MDM4: variants seen among roughly 807,000 people sequenced by gnomAD.
MDM4 encodes the protein protein Mdm4.
In MDM4, 2 loss-of-function variants were observed where a neutral mutation model predicts 60.2. That is an observed-to-expected ratio of 0.03 (90% CI 0.01 to 0.10). MDM4 has a LOEUF of 0.10. Among genes scored for constraint, MDM4 ranks in the 10% least tolerant of loss-of-function variants. MDM4 has a pLI of 1.00. For synonymous variants in MDM4, 202 were observed against 198.1 expected (o/e 1.02, Z -0.17); for missense variants, 447 against 577.5 (o/e 0.77, Z 2.32).
chr1:204,539,863 G>A (rs890609149), intron 7 of MDM4, among the ~76,000 whole-genome samples: 1 of 152,034 alleles, frequency 6.6e-6, no homozygotes, highest in Non-Finnish European at 1.5e-5. Flanking sequence ...GACACCACAA[G>A]TAGAAAATTT....
chr1:204,523,235 T>A (rs1659750236), intron 1 of MDM4, among the ~76,000 whole-genome samples: 2 of 148,378 alleles, frequency 1.3e-5, no homozygotes, highest in Non-Finnish European at 3.0e-5. Flanking sequence ...TTTGGGAGGC[T>A]GAGGCAGGCG....
intron 3 of MDM4, chr1:204,529,597 C>T (rs938070860): frequency 7.5e-7 from 1 of 1,331,546 alleles, no homozygotes; most frequent in African/African-American, 1.5e-5. Context: ...TACTGCCCTC[C>T]ACTACTGGGG....
intron 1 of MDM4, among the ~76,000 whole-genome samples, chr1:204,518,808 G>C (rs931185675): frequency 6.6e-6 from 1 of 152,316 alleles, no homozygotes; most frequent in South Asian, 2.1e-4. Context: ...TGGATTACAG[G>C]CGTTGTGCCA....
Position 204,549,324 on chromosome 1 carries a change from G to A in MDM4, c.1115G>A (p.Arg372Lys), listed in dbSNP as rs2102456405. The change falls in exon 11 of 11, where the codon AGA (arginine) becomes AAA (lysine). Residue 372 changes from arginine to lysine, a missense_variant. Arg to Lys is a conservative substitution (Grantham distance 26). Transcript: ENST00000367182. ...AGAACCATTTCGGCTCCTGTCGTTAGACCTAAAGATGCGTATATAAAGAAA... is the reference window on the plus strand; with the variant it reads ...AGAACCATTTCGGCTCCTGTCGTTAAACCTAAAGATGCGTATATAAAGAAA... ...CRRTISAPVV[R>K]PKDAYIKKEN... 1.2e-6 allele frequency: 2 copies of A among 1,614,160 alleles called. No homozygotes were observed. The highest frequency in any genetic ancestry group is 1.7e-6 in the Non-Finnish European group (2 of 1,180,026).
At chr1:204,537,879 G>A (rs368849614) in intron 6 of MDM4, 2 of 673,700 alleles carry the variant, frequency 3.0e-6, no homozygotes, top group Non-Finnish European at 5.7e-6. Flanking sequence ...TAGTCATCTT[G>A]GTACGTGGCG....
intron 5 of MDM4, chr1:204,532,655 A>T (rs1660986696): frequency 2.9e-6 from 3 of 1,030,498 alleles, no homozygotes; most frequent in East Asian, 2.5e-5. Context: ...TTTTTGTCTT[A>T]CTTGAATTAG....
At chr1:204,535,126 C>T (rs1286606712) in intron 5 of MDM4, among the ~76,000 whole-genome samples, 1 of 149,102 alleles carries the variant, frequency 6.7e-6, no homozygotes, top group African/African-American at 2.5e-5. Context: ...TCATTTTGGT[C>T]AAGAAGATGC....
At chr1:204,547,444 T>C (rs1053359757) in intron 10 of MDM4, among the ~76,000 whole-genome samples, 9 of 152,244 alleles carry the variant, frequency 5.9e-5, no homozygotes, top group African/African-American at 2.2e-4. Flanking sequence ...TGCTTTTTTG[T>C]TGCTATTTCC....
intron 8 of MDM4, 32 bp from the exon 9 acceptor site, chr1:204,544,503 A>G: frequency 6.3e-7 from 1 of 1,585,870 alleles, no homozygotes; most frequent in Non-Finnish European, 8.6e-7. Context: ...ACCTCTGAAT[A>G]CAGAAACTCA....
chr1:204,544,539 T>C lies in MDM4; in HGVS notation c.677T>C (p.Val226Ala). The change falls in exon 9 of 11, where the codon GTG (valine) becomes GCG (alanine). Residue 226 changes from valine to alanine, a missense_variant. Around this residue, in one of 8 missense-constraint regions of MDM4, gnomAD observed 184 missense variants for 179.3 expected, o/e 1.03. Transcript: ENST00000367182. ...TGTTTGTTTTTTTTCTGTTAGGATG[T>C]GGGTACTGCCATTGTTTCAGATACT... ...GSTDLQTNQD[V>A]GTAIVSDTTD... 1 of 1,605,356 alleles carries C rather than the reference T, an allele frequency of 6.2e-7. No individual in the cohort carries two copies. The highest frequency in any genetic ancestry group is 8.5e-7 in the Non-Finnish European group (1 of 1,173,788).
At chr1:204,522,541 G>T (rs1659671602) in intron 1 of MDM4, among the ~76,000 whole-genome samples, 1 of 151,790 alleles carries the variant, frequency 6.6e-6, no homozygotes, top group Non-Finnish European at 1.5e-5. Flanking sequence ...GGGACTACAG[G>T]CGTGTGCCAC....
In MDM4 at chr1:204,550,952, A is replaced by G. The variant is rs1663145307; in HGVS notation, c.*1270A>G. The G allele has an allele frequency of 1.1e-5, 2 of 184,216 alleles. No homozygotes were observed. The highest frequency in any genetic ancestry group is 6.2e-5 in the Admixed American group (1 of 16,008). The allele number at this position is 184,216 out of a possible 1,614,324, so 11.4% of individuals were successfully genotyped here. ...TAATTTAATTAGCCAAATCAGACTT[A>G]ACTTCCGTCAGAACATGTCTTGGTT... On this transcript the variant is annotated 3_prime_UTR_variant, in exon 11 of 11. Transcript: ENST00000367182.
At chr1:204,529,242 A>T in intron 3 of MDM4, 1 of 729,364 alleles carries the variant, frequency 1.4e-6, no homozygotes, top group South Asian at 1.6e-5. Context: ...AGGTCTCATC[A>T]TTGAACAAGG....
In MDM4 at chr1:204,549,931, A is replaced by G. The variant is rs1342502820; in HGVS notation, c.*249A>G. ...ATAGTTAGGTGAACCCAAAAGAAAA[A>G]CTCTTGAAAACAAGAGATTTCTTCC... On this transcript the variant is annotated 3_prime_UTR_variant, in exon 11 of 11. Transcript: ENST00000367182. The G allele has an allele frequency of 1.2e-5, 4 of 342,964 alleles. No individual in the cohort carries two copies. The Admixed American group carries it at 1.3e-4, about 11-fold the overall frequency. The allele number at this position is 342,964 out of a possible 1,614,324, so 21.2% of individuals were successfully genotyped here. A position where few individuals can be genotyped will look rare whatever the true frequency, so the allele number is the denominator to read the frequency against.
At chr1:204,528,826 T>C in intron 3 of MDM4, 1 of 1,483,306 alleles carries the variant, frequency 6.7e-7, no homozygotes, top group Non-Finnish European at 9.4e-7. Flanking sequence ...TGCACTCCAC[T>C]CTCCACAGAT....
rs374003470 is a variant in MDM4 at position 204,545,705 on chromosome 1, A to C, written c.822+1021A>C. On this transcript the variant is annotated intron_variant, in intron 9 of 10. Coordinates refer to ENST00000367182, the MANE Select transcript of MDM4 (RefSeq NM_002393.5). ...GACATTTGGAAACTTTTATTTATTT[A>C]TTTTTGAGATGGGATCTCACTGTTT... Among the ~76,000 whole-genome samples, 67 of 152,212 alleles carry C rather than the reference A, an allele frequency of 4.4e-4. No individual in the cohort carries two copies. In the South Asian group the frequency reaches 0.012, roughly 26 times the overall value.
At chr1:204,525,645 T>A (rs1660062106) in intron 2 of MDM4, 49 bp downstream of exon 2, 1 of 1,284,730 alleles carries the variant, frequency 7.8e-7, no homozygotes, top group Non-Finnish European at 1.1e-6. Context: ...TTTTTTTTAA[T>A]TTTTAAAAAG....
chr1:204,529,162 A>G (rs1660584216), intron 3 of MDM4: 3 of 895,312 alleles, frequency 3.4e-6, no homozygotes, highest in Middle Eastern at 2.8e-4. Context: ...GAATTTCCAC[A>G]GGGCTGAGAA....
chr1:204,524,174 CA>C (rs1198002213), intron 1 of MDM4, among the ~76,000 whole-genome samples: 1 of 152,202 alleles, frequency 6.6e-6, no homozygotes, highest in Non-Finnish European at 1.5e-5. Context: ...GAACAAAGAA[CA>C]GGGGAGCTGA....
Sources: allele counts gnomAD v4.1 joint callset (sites outside exome capture counted in the v4.1 genomes callset), GRCh38; gene constraint gnomAD v4.1.1; regional missense constraint gnomAD v4.1.1; transcripts MANE v1.5; gene names NCBI Gene and HGNC (gene_info 2026-07-23, HGNC 2026-07-21).